The following ADK variants were observed in gnomAD, a reference collection of about 807,000 sequenced individuals.
ADK encodes the protein adenosine kinase, also known as N6,N6-dimethyladenosine kinase.
Under a neutral mutation model 44.7 loss-of-function variants are expected in ADK, and 24 were observed. The ratio of observed to expected loss-of-function variants is 0.54; its 90% CI spans 0.39 to 0.76. ADK has a LOEUF of 0.76. Among genes scored for constraint, ADK ranks in the 30% least tolerant of loss-of-function variants. The pLI is 0.00. For synonymous variants in ADK, 128 were observed against 142.6 expected (o/e 0.90, Z 0.73); for missense variants, 321 against 425.1 (o/e 0.76, Z 2.15).
intron 4 of ADK, among the ~76,000 whole-genome samples, chr10:74,367,279 G>A (rs1842526101): frequency 1.3e-5 from 2 of 152,142 alleles, no homozygotes; most frequent in Non-Finnish European, 2.9e-5. Flanking sequence ...AATGATTTTT[G>A]AAGAATGCTT....
chr10:74,513,290 C>T (rs139023317), intron 6 of ADK, among the ~76,000 whole-genome samples: 102 of 152,248 alleles, frequency 6.7e-4, no homozygotes, highest in African/African-American at 2.4e-3. Flanking sequence ...TGCAGTTTAA[C>T]TCTGATGTTT....
At chr10:74,567,682 TTTTTTTTG>T (rs1186864314) in intron 7 of ADK, among the ~76,000 whole-genome samples, 3 of 136,620 alleles carry the variant, frequency 2.2e-5, no homozygotes, top group African/African-American at 9.3e-5. Context: ...TCTCTCTCTG[TTTTTTTTG>T]TTTTTTTTGT....
At position 74,372,903 on chromosome 10, in the gene ADK, G is replaced by A. The variant is rs539659361; in HGVS notation, c.274-21238G>A. On this transcript the variant is annotated intron_variant, in intron 4 of 10. Transcript: ENST00000539909. Reference sequence around the variant, plus strand: ...GTATAGCCAAAACAATCTTGAAAAAGACCAAAATTGTGTTTCTCACTTCCC... The same window carrying A: ...GTATAGCCAAAACAATCTTGAAAAAAACCAAAATTGTGTTTCTCACTTCCC... Among the ~76,000 whole-genome samples the A allele has an allele frequency of 7.5e-4, 114 of 152,178 alleles. 1 individual carries two copies. The highest frequency in any genetic ancestry group is 2.6e-3 in the African/African-American group (110 of 41,536).
chr10:74,381,324 A>G (rs2132005684), intron 4 of ADK, among the ~76,000 whole-genome samples: 1 of 152,344 alleles, frequency 6.6e-6, no homozygotes, highest in South Asian at 2.1e-4. Context: ...AATGGTAAAT[A>G]AAATGGTAAA....
chr10:74,566,482 G>A (rs563503984), intron 7 of ADK, among the ~76,000 whole-genome samples: 5 of 152,140 alleles, frequency 3.3e-5, no homozygotes, highest in Non-Finnish European at 5.9e-5. Context: ...GATTACATGC[G>A]TGAGCCACCA....
intron 4 of ADK, among the ~76,000 whole-genome samples, chr10:74,323,745 C>T (rs530787142): frequency 2.6e-5 from 4 of 151,774 alleles, no homozygotes; most frequent in Non-Finnish European, 5.9e-5. Flanking sequence ...TAATTTTTTG[C>T]ATTTTTAGTA....
intron 3 of ADK, among the ~76,000 whole-genome samples, chr10:74,246,926 A>C (rs1192848309): frequency 6.6e-6 from 1 of 152,072 alleles, no homozygotes; most frequent in African/African-American, 2.4e-5. Flanking sequence ...ATTAACATTT[A>C]ATGAATTTAT....
intron 9 of ADK, among the ~76,000 whole-genome samples, chr10:74,638,746 A>G (rs1853715082): frequency 6.6e-6 from 1 of 152,164 alleles, no homozygotes; most frequent in Non-Finnish European, 1.5e-5. Flanking sequence ...GCTTTCTGGC[A>G]GTGTCATCCT....
At chr10:74,166,933 T>G (rs954415372) in intron 1 of ADK, among the ~76,000 whole-genome samples, 2 of 152,200 alleles carry the variant, frequency 1.3e-5, no homozygotes, top group African/African-American at 4.8e-5. Flanking sequence ...TATTAAGGTC[T>G]CTGTCTGGAT....
At chr10:74,275,953 C>G (rs1846656278) in intron 3 of ADK, among the ~76,000 whole-genome samples, 1 of 152,096 alleles carries the variant, frequency 6.6e-6, no homozygotes, top group South Asian at 2.1e-4. Flanking sequence ...TAGAAACATT[C>G]TTTTCTGATA....
chr10:74,668,609 G>A (rs1855057990), intron 9 of ADK, among the ~76,000 whole-genome samples: 1 of 152,146 alleles, frequency 6.6e-6, no homozygotes, highest in Admixed American at 6.5e-5. Context: ...GATGGCACAT[G>A]ACTGTAATCC....
intron 10 of ADK, among the ~76,000 whole-genome samples, chr10:74,676,044 T>TA (rs11458497): frequency 0.68 from 97,889 of 143,682 alleles, 33,112 homozygotes; most frequent in Middle Eastern, 0.78. Flanking sequence ...TTCTTAGAAT[T>TA]AAAAAAAAAA....
At chr10:74,198,170 T>A (rs991508775) in intron 1 of ADK, among the ~76,000 whole-genome samples, 1 of 152,174 alleles carries the variant, frequency 6.6e-6, no homozygotes, top group African/African-American at 2.4e-5. Context: ...TGAATAAGAA[T>A]ATATAAATCA....
intron 4 of ADK, among the ~76,000 whole-genome samples, chr10:74,342,224 C>T (rs1435065642): frequency 2.0e-5 from 3 of 152,026 alleles, no homozygotes; most frequent in Non-Finnish European, 4.4e-5. Context: ...TCTCTACATC[C>T]ATAATGGGTA....
Position 74,298,425 on chromosome 10 carries a change from A to G in ADK, c.195-16242A>G, listed in dbSNP as rs549966145. On this transcript the variant is annotated intron_variant, in intron 3 of 10. Coordinates refer to ENST00000539909, the MANE Select transcript of ADK (RefSeq NM_006721.4). ...AAAAAATTACATTTTTAAAAATATC[A>G]TTAGCCATTTGGTGACCATAGTTGC... Among the ~76,000 whole-genome samples, 8 of 152,312 alleles carry G rather than the reference A, an allele frequency of 5.3e-5. No homozygotes were observed. In the South Asian group the frequency reaches 1.0e-3, roughly 20 times the overall value.
intron 4 of ADK, among the ~76,000 whole-genome samples, chr10:74,383,309 A>G (rs192606122): frequency 1.3e-5 from 2 of 152,246 alleles, no homozygotes; most frequent in African/African-American, 4.8e-5. Context: ...AGATTTGAGT[A>G]AGAGATTATA....
At chr10:74,347,157 A>G (rs185320002) in intron 4 of ADK, among the ~76,000 whole-genome samples, 3 of 145,454 alleles carry the variant, frequency 2.1e-5, no homozygotes, top group African/African-American at 7.7e-5. Flanking sequence ...GCCGAATAGG[A>G]AGAGCTCCAG....
At position 74,355,867 on chromosome 10, in the gene ADK, A is replaced by G. The variant is rs1264353312; in HGVS notation, c.274-38274A>G. ...TTCTCAGGCATAGTGCTACTTATCCATGTTATTTATATAAGCAAATGAGCA... is the reference window on the plus strand; with the variant it reads ...TTCTCAGGCATAGTGCTACTTATCCGTGTTATTTATATAAGCAAATGAGCA... On this transcript the variant is annotated intron_variant, in intron 4 of 10. Coordinates refer to ENST00000539909, the MANE Select transcript of ADK (RefSeq NM_006721.4). 7.9e-5 allele frequency among the ~76,000 whole-genome samples: 12 copies of G among 152,128 alleles called. No individual in the cohort carries two copies. The East Asian group carries it at 1.3e-3, about 17-fold the overall frequency.
chr10:74,335,225 A>G (rs1157212732), intron 4 of ADK, among the ~76,000 whole-genome samples: 1 of 152,172 alleles, frequency 6.6e-6, no homozygotes, highest in Non-Finnish European at 1.5e-5. Context: ...TGTCACAGTG[A>G]TTACAGACCT....
Sources: allele counts gnomAD v4.1 joint callset (sites outside exome capture counted in the v4.1 genomes callset), GRCh38; gene constraint gnomAD v4.1.1; transcripts MANE v1.5; gene names NCBI Gene and HGNC (gene_info 2026-07-23, HGNC 2026-07-21).